Variants in SNTG2 observed in about 807,000 individuals in gnomAD.
SNTG2 encodes the protein gamma-2-syntrophin.
In SNTG2, 74 loss-of-function variants were observed where a neutral mutation model predicts 70.9. The ratio of observed to expected loss-of-function variants is 1.04; its 90% CI spans 0.86 to 1.27. The LOEUF (loss-of-function observed/expected upper bound fraction) is 1.27, where lower values mean the gene tolerates loss of function less well. SNTG2 is among the 50% of genes most tolerant of loss of function. The pLI is 0.00. For synonymous variants in SNTG2, 278 were observed against 273.8 expected (o/e 1.02, Z -0.15); for missense variants, 717 against 690.7 (o/e 1.04, Z -0.43).
intron 1 of SNTG2, among the ~76,000 whole-genome samples, chr2:1,066,917 A>C (rs1324731760): frequency 6.6e-6 from 1 of 152,010 alleles, no homozygotes; most frequent in Non-Finnish European, 1.5e-5. Flanking sequence ...TACGCTCCTC[A>C]TCTTCAAAGC....
In SNTG2 at chr2:1,090,336, A is replaced by T. The variant is rs555246131; in HGVS notation, c.210+6681A>T. On this transcript the variant is annotated intron_variant, in intron 2 of 16. Coordinates refer to ENST00000308624, the MANE Select transcript of SNTG2 (RefSeq NM_018968.4). ...TTTTAATAAGCCTAACTTTGCAATG[A>T]TGTGTACATTCGCTAGAAGTTAATC... is the stretch of plus-strand genomic sequence containing the variant. Among the ~76,000 whole-genome samples, 38 of 152,312 alleles carry T rather than the reference A, an allele frequency of 2.5e-4. 1 individual carries two copies. The Middle Eastern group carries it at 0.027, about 109-fold the overall frequency.
At chr2:1,202,945 C>A (rs1015302820) in intron 8 of SNTG2, among the ~76,000 whole-genome samples, 2 of 151,882 alleles carry the variant, frequency 1.3e-5, no homozygotes, top group African/African-American at 4.9e-5. Context: ...GGGAAAAACA[C>A]AGAGAAATCC....
chr2:980,946 A>G (rs1405649922), intron 1 of SNTG2, among the ~76,000 whole-genome samples: 2 of 152,112 alleles, frequency 1.3e-5, no homozygotes, highest in African/African-American at 4.8e-5. Flanking sequence ...ACCTAGCCCT[A>G]TTATTTTTCT....
At chr2:986,145 C>T (rs868401482) in intron 1 of SNTG2, among the ~76,000 whole-genome samples, 131 of 137,254 alleles carry the variant, frequency 9.5e-4, no homozygotes, top group African/African-American at 3.4e-3. Flanking sequence ...TATCAATTTT[C>T]CTTTCACACA....
chr2:1,283,678 C>T (rs1679650726), intron 14 of SNTG2, among the ~76,000 whole-genome samples: 1 of 152,174 alleles, frequency 6.6e-6, no homozygotes, highest in African/African-American at 2.4e-5. Context: ...TTCTCTGTGT[C>T]TTCCACAGTT....
intron 1 of SNTG2, among the ~76,000 whole-genome samples, chr2:960,156 G>A (rs1470960028): frequency 6.6e-6 from 1 of 152,186 alleles, no homozygotes; most frequent in Non-Finnish European, 1.5e-5. Flanking sequence ...CTCTGTTAAT[G>A]ACACGGTCCT....
At chr2:1,238,640 C>A (rs1342572809) in intron 10 of SNTG2, among the ~76,000 whole-genome samples, 1 of 152,216 alleles carries the variant, frequency 6.6e-6, no homozygotes, top group Non-Finnish European at 1.5e-5. Context: ...GGTGCCTGGA[C>A]TCGGACATGG....
chr2:1,134,503 T>C (rs1047411263), intron 4 of SNTG2, among the ~76,000 whole-genome samples: 6 of 151,478 alleles, frequency 4.0e-5, no homozygotes, highest in African/African-American at 1.4e-4. Flanking sequence ...AGAGTGTCGA[T>C]TGGTGCATTC....
In SNTG2 at chr2:976,045, TC is replaced by T. The variant is rs577097963; in HGVS notation, c.72+24980del. Reference sequence around the variant, plus strand: ...GCCTGCCAGTGATAGGAACAGGGTCTCCCACAACTGCTCTTTTCTTCAGAGA... The same window carrying T: ...GCCTGCCAGTGATAGGAACAGGGTCTCCACAACTGCTCTTTTCTTCAGAGA... On this transcript the variant is annotated intron_variant, in intron 1 of 16. Coordinates refer to ENST00000308624, the MANE Select transcript of SNTG2 (RefSeq NM_018968.4). Among the ~76,000 whole-genome samples, 482 of 152,322 alleles carry T rather than the reference TC, an allele frequency of 3.2e-3. 5 individuals carry two copies. The highest frequency in any genetic ancestry group is 4.6e-3 in the Non-Finnish European group (312 of 68,036).
chr2:1,209,171 G>C lies in SNTG2; in HGVS notation c.660G>C (p.Leu220Phe), dbSNP rs755161999. Residue 220 changes from leucine to phenylalanine, a missense_variant, in exon 9 of 17, where the codon TTG becomes TTC. Physicochemically the swap from Leu to Phe is conservative, Grantham distance 22. Coordinates refer to ENST00000308624, the MANE Select transcript of SNTG2 (RefSeq NM_018968.4). ...ATGAGAAGCGCTGGCTGGACACCTTGTCCGTGCCTCTGTCCATGGCTCGCA... is the reference window on the plus strand; with the variant it reads ...ATGAGAAGCGCTGGCTGGACACCTTCTCCGTGCCTCTGTCCATGGCTCGCA... ...PRYEKRWLDT[L>F]SVPLSMARIS... 2.5e-6 allele frequency: 4 copies of C among 1,613,958 alleles called. No individual in the cohort carries two copies. In the Admixed American group the frequency reaches 5.0e-5, roughly 20 times the overall value.
rs747449378 is a variant in SNTG2, at chr2:1,137,810, G to A, written c.411+1G>A. The A allele has an allele frequency of 1.9e-6, 3 of 1,609,036 alleles. No individual in the cohort carries two copies. The highest frequency in any genetic ancestry group is 2.7e-5 in the African/African-American group (2 of 74,936). On this transcript the variant is annotated splice_donor_variant, in intron 6 of 16. Coordinates refer to ENST00000308624, the MANE Select transcript of SNTG2 (RefSeq NM_018968.4). LOFTEE classifies it high-confidence loss of function. ...AGAAAATGCAACTCATGAAGAAGTG[G>A]TAAGTGAATTACATTTTATAGTTAT...
rs1281651952 is a variant in SNTG2 at position 1,277,576 on chromosome 2, CT to C, written c.1284+10010del. Among the ~76,000 whole-genome samples, 4 of 152,182 alleles carry C rather than the reference CT, an allele frequency of 2.6e-5. No homozygotes were observed. The South Asian group carries it at 8.3e-4, about 32-fold the overall frequency. On this transcript the variant is annotated intron_variant, in intron 14 of 16. Coordinates refer to ENST00000308624, the MANE Select transcript of SNTG2 (RefSeq NM_018968.4). ...CCCAGAAACCAAAAAATTAGTAAGA[CT>C]TTTTGCTTTATTGTGACATTTGCTT...
At chr2:1,138,893 G>A (rs1030126748) in intron 6 of SNTG2, among the ~76,000 whole-genome samples, 1 of 152,212 alleles carries the variant, frequency 6.6e-6, no homozygotes, top group African/African-American at 2.4e-5. Context: ...AAATTTCCGT[G>A]AAACCAAGGC....
Position 1,188,850 on chromosome 2 carries a change from A to G in SNTG2, c.591+15667A>G, listed in dbSNP as rs1027785250. Among the ~76,000 whole-genome samples the G allele has an allele frequency of 3.3e-5, 5 of 152,262 alleles. No homozygotes were observed. In the East Asian group the frequency reaches 9.7e-4, roughly 29 times the overall value. On this transcript the variant is annotated intron_variant, in intron 8 of 16. Coordinates refer to ENST00000308624, the MANE Select transcript of SNTG2 (RefSeq NM_018968.4). ...ATGGGCATAGTAGTTTATCAATCCA[A>G]TGGCAAATCTTAATAAATATATTTT...
intron 14 of SNTG2, among the ~76,000 whole-genome samples, chr2:1,286,194 G>A (rs749496666): frequency 2.6e-5 from 4 of 152,046 alleles, no homozygotes; most frequent in Admixed American, 1.3e-4. Flanking sequence ...GAGGGAACTG[G>A]AAACAGAAAT....
At chr2:1,164,025 G>A (rs1344310496) in intron 6 of SNTG2, among the ~76,000 whole-genome samples, 1 of 152,230 alleles carries the variant, frequency 6.6e-6, no homozygotes, top group African/African-American at 2.4e-5. Context: ...GGTAGGCAAT[G>A]ACGGGCATGG....
chr2:1,221,226 GTCTGTC>G (rs1430665187), intron 9 of SNTG2, among the ~76,000 whole-genome samples: 2 of 121,740 alleles, frequency 1.6e-5, no homozygotes, highest in Non-Finnish European at 3.5e-5. Flanking sequence ...CTGTCTCTGA[GTCTGTC>G]TCTGCCTCTG....
At chr2:1,071,003 C>T (rs975052664) in intron 1 of SNTG2, among the ~76,000 whole-genome samples, 5 of 152,020 alleles carry the variant, frequency 3.3e-5, no homozygotes, top group African/African-American at 9.7e-5. Flanking sequence ...ACATTCAATG[C>T]GTTGGCAATA....
At chr2:1,160,834 C>G (rs1193768541) in intron 6 of SNTG2, 1 of 152,260 alleles carries the variant, frequency 6.6e-6, no homozygotes, top group African/African-American at 2.4e-5. Flanking sequence ...CTTGCTCGCA[C>G]CTGATCACAG....
Sources: allele counts gnomAD v4.1 joint callset (sites outside exome capture counted in the v4.1 genomes callset), GRCh38; gene constraint gnomAD v4.1.1; transcripts MANE v1.5; gene names NCBI Gene and HGNC (gene_info 2026-07-23, HGNC 2026-07-21).